LYRM4: variants seen among roughly 807,000 people sequenced by gnomAD.
LYRM4 encodes the protein LYR motif containing 4.
In LYRM4, 9 loss-of-function variants were observed where a neutral mutation model predicts 11.7. The ratio of observed to expected loss-of-function variants is 0.77; its 90% CI spans 0.46 to 1.34. LYRM4 has a LOEUF of 1.34. LYRM4 is among the 40% of genes most tolerant of loss of function. The pLI is 0.00. For missense variants in LYRM4, 133 were observed against 112.5 expected, an observed-to-expected ratio of 1.18 and a Z score of -0.82; for synonymous variants, 42 against 40.4, an observed-to-expected ratio of 1.04 and a Z score of -0.15.
In LYRM4 at chr6:5,246,647, G is replaced by C. The variant is rs187947160; in HGVS notation, c.86+14001C>G. Reference sequence around the variant, plus strand: ...GATGGGTGAAGGTAGTGAGGGTGAAGTGGAGGGAGTGGGCCTGGGAGGTGT... The same window carrying C: ...GATGGGTGAAGGTAGTGAGGGTGAACTGGAGGGAGTGGGCCTGGGAGGTGT... On this transcript the variant is annotated intron_variant, in intron 1 of 2. Coordinates refer to ENST00000330636, the MANE Select transcript of LYRM4 (RefSeq NM_020408.6). 1.9e-3 allele frequency among the ~76,000 whole-genome samples: 288 copies of C among 152,314 alleles called. 1 individual carries two copies. Among genetic ancestry groups the C allele is most frequent in the Non-Finnish European group, 3.0e-3 (201 of 68,022 alleles).
In LYRM4 at chr6:5,260,719, A is replaced by T. The variant is rs1380123658; in HGVS notation, c.15T>A (p.Ser5Arg). Residue 5 changes from serine (S) to arginine (R), a missense_variant, in exon 1 of 3, where the codon AGT becomes AGA. Ser to Arg is a moderately radical substitution (Grantham distance 110). Coordinates refer to ENST00000330636, the MANE Select transcript of LYRM4 (RefSeq NM_020408.6). MAAS[S>R]RAQVLSLYRA... is the part of the protein sequence containing the mutation. ...GGTACAGAGATAACACTTGTGCGCG[A>T]CTGGAGGCTGCCATTTTGGAAAGAA... is the stretch of plus-strand genomic sequence containing the variant. The T allele has an allele frequency of 1.3e-6, 2 of 1,550,208 alleles. No homozygotes were observed. The highest frequency in any genetic ancestry group is 1.7e-6 in the Non-Finnish European group (2 of 1,148,314).
At chr6:5,248,112 T>C (rs545139009) in intron 1 of LYRM4, among the ~76,000 whole-genome samples, 2 of 152,356 alleles carry the variant, frequency 1.3e-5, no homozygotes, top group Admixed American at 1.3e-4. Context: ...GAAGGCAGTG[T>C]CCTCTACGTT....
intron 1 of LYRM4, among the ~76,000 whole-genome samples, chr6:5,226,533 T>C (rs1762903205): frequency 6.6e-6 from 1 of 152,116 alleles, no homozygotes; most frequent in African/African-American, 2.4e-5. Context: ...TACAGGCATG[T>C]GCCACCATGC....
chr6:5,056,545 T>C, the LYRM4 span, among the ~76,000 whole-genome samples: 1 of 152,232 alleles, frequency 6.6e-6, no homozygotes, highest in Admixed American at 6.5e-5. Context: ...TTGGAAAATA[T>C]GGTTCACTGA....
chr6:5,043,432 A>G, the LYRM4 span: 1 of 152,090 alleles, frequency 6.6e-6, no homozygotes, highest in East Asian at 1.9e-4. Flanking sequence ...ACTCTCATAA[A>G]AAATATTTTC....
At chr6:5,085,599 C>T in the LYRM4 span, 2 of 1,546,466 alleles carry the variant, frequency 1.3e-6, no homozygotes, top group Admixed American at 3.9e-5. Flanking sequence ...TGCAGGGTGG[C>T]GGCGACGGCG....
downstream of LYRM4, chr6:5,107,989 G>C (rs962032152): frequency 6.6e-6 from 1 of 152,164 alleles, no homozygotes; most frequent in African/African-American, 2.4e-5. Context: ...CTGGGTGACA[G>C]AGCGAGACTC....
At chr6:5,086,687 A>C in the LYRM4 span, 2 of 756,896 alleles carry the variant, frequency 2.6e-6, no homozygotes, top group African/African-American at 3.5e-5. Flanking sequence ...GGGCGCGTGG[A>C]GGGAAAGGAG....
intron 1 of LYRM4, chr6:5,218,511 AAAACTAAATCTTATGATACTAG>A (rs1204741714): frequency 8.8e-6 from 3 of 342,368 alleles, no homozygotes; most frequent in African/African-American, 4.4e-5. Flanking sequence ...AAGCAAGAGT[AAAACTAAATCTTATGATACTAG>A]GAATCATAAA....
intron 1 of LYRM4, among the ~76,000 whole-genome samples, chr6:5,246,236 G>T (rs1390263301): frequency 6.6e-6 from 1 of 152,168 alleles, no homozygotes. Context: ...CAAGAAGTTG[G>T]ATTTGCTGAC....
chr6:5,175,953 TA>T (rs1299554525), intron 2 of LYRM4, among the ~76,000 whole-genome samples: 1 of 152,170 alleles, frequency 6.6e-6, no homozygotes, highest in Non-Finnish European at 1.5e-5. Context: ...GCCATTTGAG[TA>T]CACCCAGTGT....
At chr6:5,203,235 T>C (rs1187076562) in intron 2 of LYRM4, among the ~76,000 whole-genome samples, 1 of 152,190 alleles carries the variant, frequency 6.6e-6, no homozygotes, top group Non-Finnish European at 1.5e-5. Context: ...AAGGAAAATT[T>C]CACTGAAGCT....
intron 2 of LYRM4, among the ~76,000 whole-genome samples, chr6:5,202,667 G>C (rs1581496788): frequency 1.3e-5 from 2 of 152,224 alleles, no homozygotes; most frequent in African/African-American, 4.8e-5. Flanking sequence ...AAGATGAATA[G>C]CCTGCCATAA....
At chr6:5,211,268 TGA>T (rs1761973755) in intron 2 of LYRM4, among the ~76,000 whole-genome samples, 1 of 152,132 alleles carries the variant, frequency 6.6e-6, no homozygotes, top group Admixed American at 6.5e-5. Flanking sequence ...TGACTGACAA[TGA>T]GAGAGGGCCT....
chr6:5,223,370 A>G (rs1762697346), intron 1 of LYRM4, among the ~76,000 whole-genome samples: 1 of 152,220 alleles, frequency 6.6e-6, no homozygotes. Context: ...CTCACAAACT[A>G]CAACTCAGAG....
intron 2 of LYRM4, among the ~76,000 whole-genome samples, chr6:5,153,191 C>T (rs193044299): frequency 6.6e-6 from 1 of 152,058 alleles, no homozygotes; most frequent in African/African-American, 2.4e-5. Flanking sequence ...TCCTGGGTTC[C>T]AGCAATTCTC....
At chr6:5,103,618 A>G (rs1762567710), downstream of LYRM4, 1 of 146,786 alleles carries the variant, frequency 6.8e-6, no homozygotes, top group South Asian at 2.1e-4. Context: ...GGTTCGCTTC[A>G]ATATCTGAGA....
intron 1 of LYRM4, among the ~76,000 whole-genome samples, chr6:5,224,638 A>T (rs1401268799): frequency 1.3e-5 from 2 of 152,224 alleles, no homozygotes; most frequent in Non-Finnish European, 2.9e-5. Flanking sequence ...AATTGGCTAC[A>T]TAAATTATGA....
the LYRM4 span, chr6:5,087,995 A>G: frequency 4.6e-5 from 7 of 152,198 alleles, no homozygotes; most frequent in African/African-American, 1.4e-4. Flanking sequence ...AGGGCTGGGC[A>G]TACGTACATT....
Sources: allele counts gnomAD v4.1 joint callset (sites outside exome capture counted in the v4.1 genomes callset), GRCh38; gene constraint gnomAD v4.1.1; transcripts MANE v1.5; gene names NCBI Gene and HGNC (gene_info 2026-07-23, HGNC 2026-07-21).